Variants in UBE3D observed in about 807,000 individuals in gnomAD.
The protein encoded by UBE3D is ubiquitin protein ligase E3D, also known as E3 ubiquitin-protein ligase E3D.
Under a neutral mutation model 49.6 loss-of-function variants are expected in UBE3D, and 48 were observed. The observed-to-expected ratio is 0.97, with a 90% CI of 0.77 to 1.23. UBE3D has a LOEUF of 1.23. Among genes scored for constraint, UBE3D ranks in the 50% most tolerant of loss-of-function variants. The probability of loss-of-function intolerance (pLI) is 0.00; values close to 1 mark genes in which losing one functional copy is unlikely to be tolerated. For synonymous variants in UBE3D, 189 were observed against 174.2 expected, an observed-to-expected ratio of 1.08 and a Z score of -0.67; for missense variants, 452 against 468.4, an observed-to-expected ratio of 0.96 and a Z score of 0.32.
At chr6:82,902,411 T>C (rs1442792835) in intron 9 of UBE3D, among the ~76,000 whole-genome samples, 1 of 152,188 alleles carries the variant, frequency 6.6e-6, no homozygotes, top group African/African-American at 2.4e-5. Context: ...TAAATTGTTG[T>C]ACAGCCACAC....
chr6:82,992,613 G>A (rs1778971099), intron 8 of UBE3D, among the ~76,000 whole-genome samples: 1 of 152,140 alleles, frequency 6.6e-6, no homozygotes, highest in Non-Finnish European at 1.5e-5. Flanking sequence ...GATAGCTTTG[G>A]AATGAACAGT....
At chr6:82,998,205 A>C (rs1243257624) in intron 8 of UBE3D, among the ~76,000 whole-genome samples, 2 of 152,202 alleles carry the variant, frequency 1.3e-5, no homozygotes, top group Non-Finnish European at 2.9e-5. Context: ...TGTTCCGTTT[A>C]TTTTGCTTTG....
At chr6:82,927,046 T>C (rs1368093577) in intron 9 of UBE3D, among the ~76,000 whole-genome samples, 5 of 152,136 alleles carry the variant, frequency 3.3e-5, no homozygotes, top group Non-Finnish European at 5.9e-5. Flanking sequence ...AGTCTGTATC[T>C]AGATTCATTG....
intron 8 of UBE3D, among the ~76,000 whole-genome samples, chr6:82,986,645 A>G (rs1778532515): frequency 6.7e-6 from 1 of 149,260 alleles, no homozygotes; most frequent in Non-Finnish European, 1.5e-5. Context: ...ATATATACAT[A>G]TATATTTTAC....
At chr6:83,059,569 C>T (rs970689371) in intron 1 of UBE3D, among the ~76,000 whole-genome samples, 2 of 152,198 alleles carry the variant, frequency 1.3e-5, no homozygotes, top group Admixed American at 6.5e-5. Flanking sequence ...TTCCAAGTGC[C>T]GCAAGAGATA....
At chr6:83,049,736 C>A (rs1783335857) in intron 3 of UBE3D, 1 of 470,866 alleles carries the variant, frequency 2.1e-6, no homozygotes, top group Admixed American at 2.4e-5. Context: ...GGCGAACCAT[C>A]CAGAGACCTC....
In UBE3D at chr6:82,911,196, CAAAAAAAAAA is replaced by C. The variant is rs1156620624; in HGVS notation, c.1150-18164_1150-18155del. ...GTAGGTCACAGCAAGAACATTTTGG[CAAAAAAAAAA>C]AAAAAAAAAAAAAAAAACTCAGGGG... On this transcript the variant is annotated intron_variant, in intron 9 of 9. Transcript: ENST00000369747. Among the ~76,000 whole-genome samples the C allele has an allele frequency of 5.8e-3, 229 of 39,332 alleles. 1 individual carries two copies. The highest frequency in any genetic ancestry group is 0.019 in the African/African-American group (203 of 10,660). The allele number at this position is 39,332 out of a possible 152,430, so 25.8% of individuals were successfully genotyped here.
chr6:82,983,362 G>A (rs1002998649), intron 8 of UBE3D, among the ~76,000 whole-genome samples: 3 of 151,856 alleles, frequency 2.0e-5, no homozygotes, highest in Admixed American at 1.3e-4. Context: ...AACAGGATAG[G>A]ATATTACAAG....
At chr6:83,030,263 T>A (rs1046162199) in intron 5 of UBE3D, among the ~76,000 whole-genome samples, 3 of 152,126 alleles carry the variant, frequency 2.0e-5, no homozygotes, top group Non-Finnish European at 4.4e-5. Flanking sequence ...CCAAATCTCA[T>A]CTTAAACTGT....
At chr6:83,039,473 G>A (rs1315038381) in intron 4 of UBE3D, among the ~76,000 whole-genome samples, 1 of 152,180 alleles carries the variant, frequency 6.6e-6, no homozygotes, top group Non-Finnish European at 1.5e-5. Flanking sequence ...TTCCATGGAA[G>A]TGCTGCTAGA....
At chr6:82,916,259 T>C (rs1198312828) in intron 9 of UBE3D, among the ~76,000 whole-genome samples, 1 of 152,232 alleles carries the variant, frequency 6.6e-6, no homozygotes, top group Non-Finnish European at 1.5e-5. Flanking sequence ...TCTAGCCTTT[T>C]CTGAGATTCT....
intron 8 of UBE3D, among the ~76,000 whole-genome samples, chr6:82,998,576 T>C (rs1779403022): frequency 6.6e-6 from 1 of 152,210 alleles, no homozygotes; most frequent in Non-Finnish European, 1.5e-5. Flanking sequence ...TAAAACTCCA[T>C]TAAGGGATTA....
chr6:82,940,590 G>C (rs149720852), intron 9 of UBE3D, among the ~76,000 whole-genome samples: 2 of 152,284 alleles, frequency 1.3e-5, no homozygotes, highest in African/African-American at 4.8e-5. Context: ...GAAAATTCTA[G>C]GGAGTGCCTG....
intron 9 of UBE3D, among the ~76,000 whole-genome samples, chr6:82,955,433 A>C (rs1195445124): frequency 6.6e-6 from 1 of 152,150 alleles, no homozygotes; most frequent in Non-Finnish European, 1.5e-5. Flanking sequence ...TTCAAACAGT[A>C]CATGAGGGAA....
chr6:82,976,707 T>A (rs558783085), intron 8 of UBE3D, among the ~76,000 whole-genome samples: 1 of 152,166 alleles, frequency 6.6e-6, no homozygotes, highest in Non-Finnish European at 1.5e-5. Context: ...TACTCCTCTA[T>A]TGTCTTGGAA....
intron 5 of UBE3D, among the ~76,000 whole-genome samples, chr6:83,024,946 G>T (rs1290067511): frequency 2.6e-5 from 4 of 152,136 alleles, no homozygotes; most frequent in Non-Finnish European, 5.9e-5. Context: ...TGATTGAGGG[G>T]CCAGGACTCT....
chr6:83,065,682 C>A lies in UBE3D; in HGVS notation c.37G>T (p.Glu13Ter), dbSNP rs149182396. 1 of 1,613,482 alleles carries A rather than the reference C, an allele frequency of 6.2e-7. No homozygotes were observed. Among genetic ancestry groups the A allele is most frequent in the African/African-American group, 1.3e-5 (1 of 74,920 alleles). Residue 13 changes from glutamate to a stop codon, truncating the protein, a stop_gained, in exon 1 of 10, where the codon GAG (glutamate) becomes TAG (stop). Coordinates refer to ENST00000369747, the MANE Select transcript of UBE3D (RefSeq NM_198920.3). LOFTEE classifies it high-confidence loss of function. ...ASAAETRVFL[E>*]VRGQLQSALL... ...GCGCTCTGCAGCTGTCCCCGCACCT[C>A]CAGAAACACGCGCGTCTCCGCCGCA...
At chr6:82,910,587 G>A (rs1300122641) in intron 9 of UBE3D, among the ~76,000 whole-genome samples, 1 of 152,102 alleles carries the variant, frequency 6.6e-6, no homozygotes, top group Non-Finnish European at 1.5e-5. Context: ...TGAGACCAAG[G>A]TGCCACAGCC....
At chr6:83,022,381 G>T in intron 7 of UBE3D, 72 bp downstream of exon 7, 1 of 991,860 alleles carries the variant, frequency 1.0e-6, no homozygotes, top group Non-Finnish European at 1.4e-6. Context: ...AAGAAAAAAG[G>T]ATGAAAAAAC....
Sources: allele counts gnomAD v4.1 joint callset (sites outside exome capture counted in the v4.1 genomes callset), GRCh38; gene constraint gnomAD v4.1.1; transcripts MANE v1.5; gene names NCBI Gene and HGNC (gene_info 2026-07-23, HGNC 2026-07-21).